DLC1: variants seen among roughly 807,000 people sequenced by gnomAD.
The protein encoded by DLC1 is DLC1 Rho GTPase activating protein.
DLC1 carries 54 observed loss-of-function variants against 140.3 expected under a neutral mutation model. The ratio of observed to expected loss-of-function variants is 0.38; its 90% CI spans 0.31 to 0.48. The LOEUF (loss-of-function observed/expected upper bound fraction) is 0.48, where lower values mean the gene tolerates loss of function less well. Among genes scored for constraint, DLC1 ranks in the 20% least tolerant of loss-of-function variants. DLC1 has a pLI of 0.96. For synonymous variants in DLC1, 986 were observed against 728.1 expected, an observed-to-expected ratio of 1.35 and a Z score of -5.70; for missense variants, 2,536 against 1,907.0, an observed-to-expected ratio of 1.33 and a Z score of -6.14.
chr8:13,550,005 G>A (rs1803790739), intron 1 of DLC1, among the ~76,000 whole-genome samples: 1 of 152,130 alleles, frequency 6.6e-6, no homozygotes, highest in African/African-American at 2.4e-5. Flanking sequence ...GAAGAAATCA[G>A]TGAAGTATCT....
chr8:13,132,330 T>C lies in DLC1; in HGVS notation c.1349-16673A>G, dbSNP rs184367554. On this transcript the variant is annotated intron_variant, in intron 5 of 17. Coordinates refer to ENST00000276297, the MANE Select transcript of DLC1 (RefSeq NM_182643.3). ...GTACCTGCGGCCACCAAACCGAGAC[T>C]TCCCTGGCCAGGTCTGAGTTAATTC... is the stretch of plus-strand genomic sequence containing the variant. Among the ~76,000 whole-genome samples the C allele has an allele frequency of 7.3e-4, 111 of 151,522 alleles. No individual in the cohort carries two copies. In the Middle Eastern group the frequency reaches 0.014, roughly 19 times the overall value.
At chr8:13,249,158 C>T (rs941340633) in intron 5 of DLC1, among the ~76,000 whole-genome samples, 7 of 152,190 alleles carry the variant, frequency 4.6e-5, no homozygotes, top group Non-Finnish European at 8.8e-5. Flanking sequence ...CTCACTGCAA[C>T]CTCTGCCTCC....
At chr8:13,157,062 G>A (rs189305963) in intron 5 of DLC1, among the ~76,000 whole-genome samples, 14 of 152,284 alleles carry the variant, frequency 9.2e-5, no homozygotes, top group Admixed American at 7.8e-4. Flanking sequence ...ATTTACCGGG[G>A]ACTTTTTGGA....
chr8:13,580,157 C>G (rs893263999), intron 1 of DLC1, among the ~76,000 whole-genome samples: 2 of 149,394 alleles, frequency 1.3e-5, no homozygotes, highest in Non-Finnish European at 3.0e-5. Flanking sequence ...GAGTTTTGCT[C>G]TGTTGTCCAG....
intron 5 of DLC1, among the ~76,000 whole-genome samples, chr8:13,219,022 G>A (rs11986941): frequency 7.3e-5 from 6 of 82,104 alleles, no homozygotes; most frequent in Non-Finnish European, 1.3e-4. Context: ...AATTATATAC[G>A]TATATAATTA....
intron 2 of DLC1, among the ~76,000 whole-genome samples, chr8:13,469,968 T>C (rs916725205): frequency 2.0e-5 from 3 of 152,196 alleles, no homozygotes; most frequent in African/African-American, 7.2e-5. Flanking sequence ...GCAGCTTATT[T>C]TGTATAGAAA....
At chr8:13,535,632 G>T (rs1408719588) in intron 1 of DLC1, among the ~76,000 whole-genome samples, 1 of 131,202 alleles carries the variant, frequency 7.6e-6, no homozygotes, top group African/African-American at 2.9e-5. Context: ...GTGGATGGTA[G>T]CAAGATTTAA....
chr8:13,535,928 T>C (rs1236060787), intron 1 of DLC1: 1 of 152,088 alleles, frequency 6.6e-6, no homozygotes, highest in Non-Finnish European at 1.5e-5. Context: ...ATTATGTAAG[T>C]GTTAGCAAGA....
chr8:13,365,749 C>G (rs78680790), intron 4 of DLC1, among the ~76,000 whole-genome samples: 19 of 152,062 alleles, frequency 1.2e-4, no homozygotes, highest in African/African-American at 4.6e-4. Context: ...GCATGTCTCA[C>G]CGAGGAATAG....
chr8:13,254,747 A>G (rs1830147055), intron 5 of DLC1, among the ~76,000 whole-genome samples: 1 of 151,530 alleles, frequency 6.6e-6, no homozygotes, highest in Admixed American at 6.6e-5. Context: ...TTTCTGACTT[A>G]CTCAATAGAT....
At chr8:13,114,470 A>T (rs1820376168) in intron 6 of DLC1, among the ~76,000 whole-genome samples, 1 of 152,218 alleles carries the variant, frequency 6.6e-6, no homozygotes, top group Admixed American at 6.5e-5. Context: ...TATCCAAGCA[A>T]TCCCCAGGGC....
chr8:13,575,016 A>G (rs927085475), intron 1 of DLC1, among the ~76,000 whole-genome samples: 1 of 152,210 alleles, frequency 6.6e-6, no homozygotes, highest in Non-Finnish European at 1.5e-5. Flanking sequence ...AAATAAATAC[A>G]CAAATAGTCA....
intron 2 of DLC1, among the ~76,000 whole-genome samples, chr8:13,412,727 A>G (rs1364066283): frequency 6.6e-6 from 1 of 151,914 alleles, no homozygotes; most frequent in Non-Finnish European, 1.5e-5. Flanking sequence ...AGGTCAGGAG[A>G]TAGAGACCTC....
chr8:13,166,979 C>T (rs747291471), intron 5 of DLC1, among the ~76,000 whole-genome samples: 8 of 152,038 alleles, frequency 5.3e-5, no homozygotes, highest in Admixed American at 4.6e-4. Context: ...GAAAATGAAG[C>T]AAGCGGGGTT....
At chr8:13,241,304 A>T (rs1829535178) in intron 5 of DLC1, among the ~76,000 whole-genome samples, 1 of 152,188 alleles carries the variant, frequency 6.6e-6, no homozygotes, top group Non-Finnish European at 1.5e-5. Flanking sequence ...TAGGGAGATA[A>T]TATTATGCAA....
At chr8:13,122,340 T>C (rs958326885) in intron 5 of DLC1, among the ~76,000 whole-genome samples, 10 of 152,176 alleles carry the variant, frequency 6.6e-5, no homozygotes, top group Non-Finnish European at 2.9e-5. Flanking sequence ...TCTGAGGACG[T>C]ACCAAGCTCT....
At chr8:13,545,262 A>G (rs946720366) in intron 1 of DLC1, among the ~76,000 whole-genome samples, 5 of 151,396 alleles carry the variant, frequency 3.3e-5, no homozygotes, top group African/African-American at 1.2e-4. Flanking sequence ...ATTTTATGGA[A>G]AGGTAATAGG....
At chr8:13,301,498 C>T (rs1191851849) in intron 5 of DLC1, among the ~76,000 whole-genome samples, 1 of 152,164 alleles carries the variant, frequency 6.6e-6, no homozygotes, top group Non-Finnish European at 1.5e-5. Context: ...TAGTTTGTAC[C>T]AAGCATTGTT....
chr8:13,449,872 T>A (rs909921636), intron 2 of DLC1, among the ~76,000 whole-genome samples: 1 of 151,988 alleles, frequency 6.6e-6, no homozygotes, highest in Non-Finnish European at 1.5e-5. Context: ...TGTGATGCAA[T>A]GTGAAGAAAA....
Sources: gnomAD v4.1 joint callset for allele counts (sites outside exome capture counted in the v4.1 genomes callset) on GRCh38, gnomAD v4.1.1 for gene constraint, MANE v1.5 for transcripts, NCBI Gene and HGNC (gene_info 2026-07-23, HGNC 2026-07-21) for gene names.